RGS20: variants seen among roughly 807,000 people sequenced by gnomAD.
RGS20 encodes the protein regulator of G protein signaling 20.
Under a neutral mutation model 33.6 loss-of-function variants are expected in RGS20, and 30 were observed. The observed-to-expected ratio is 0.89, with a 90% CI of 0.67 to 1.21. The LOEUF is 1.21. Ranked by LOEUF, RGS20 falls within the 50% of genes most tolerant of loss-of-function variation. RGS20 has a pLI of 0.00. For missense variants in RGS20, 472 were observed against 502.4 expected, an observed-to-expected ratio of 0.94 and a Z score of 0.58; for synonymous variants, 208 against 197.9, an observed-to-expected ratio of 1.05 and a Z score of -0.43.
chr8:53,915,055 G>A (rs1457490108), intron 2 of RGS20, among the ~76,000 whole-genome samples: 1 of 151,990 alleles, frequency 6.6e-6, no homozygotes, highest in African/African-American at 2.4e-5. Flanking sequence ...TGAGGCAGGA[G>A]GATCACTTGA....
intron 2 of RGS20, among the ~76,000 whole-genome samples, chr8:53,886,035 G>C (rs1467589870): frequency 6.6e-6 from 1 of 152,188 alleles, no homozygotes; most frequent in Admixed American, 6.5e-5. Context: ...GAATATTTCA[G>C]ATTGGTTTTC....
At chr8:53,888,552 TCTC>T (rs907960146) in intron 2 of RGS20, among the ~76,000 whole-genome samples, 2 of 152,102 alleles carry the variant, frequency 1.3e-5, no homozygotes, top group African/African-American at 2.4e-5. Context: ...GTATCCCTGA[TCTC>T]CACCCACTGC....
chr8:53,892,162 T>G, intron 2 of RGS20, among the ~76,000 whole-genome samples: 1 of 152,218 alleles, frequency 6.6e-6, no homozygotes, highest in Non-Finnish European at 1.5e-5. Flanking sequence ...GTCCTTGTGA[T>G]AGTTTACTGA....
At chr8:53,912,791 T>C (rs1411087326) in intron 2 of RGS20, among the ~76,000 whole-genome samples, 2 of 152,322 alleles carry the variant, frequency 1.3e-5, no homozygotes, top group East Asian at 3.9e-4. Flanking sequence ...AACTATTAGG[T>C]TACCCTGAAG....
chr8:53,946,091 A>G (rs901255806), intron 3 of RGS20, among the ~76,000 whole-genome samples: 2 of 152,210 alleles, frequency 1.3e-5, no homozygotes, highest in Non-Finnish European at 2.9e-5. Flanking sequence ...ACTTTTGTAT[A>G]TTTGCCTATA....
intron 2 of RGS20, among the ~76,000 whole-genome samples, chr8:53,915,806 C>T (rs887209974): frequency 6.6e-5 from 10 of 152,072 alleles, no homozygotes; most frequent in African/African-American, 1.7e-4. Context: ...GCTATGTTGT[C>T]GAGGCTGGTC....
chr8:53,916,747 G>A (rs971041776), intron 2 of RGS20, among the ~76,000 whole-genome samples: 1 of 152,116 alleles, frequency 6.6e-6, no homozygotes, highest in African/African-American at 2.4e-5. Context: ...GAATTCCATA[G>A]GCCGGGTGGC....
chr8:53,867,347 T>C (rs1811943651), intron 1 of RGS20, among the ~76,000 whole-genome samples: 1 of 152,144 alleles, frequency 6.6e-6, no homozygotes, highest in Non-Finnish European at 1.5e-5. Context: ...TTCCACCAGC[T>C]CTTGGGATTT....
intron 2 of RGS20, among the ~76,000 whole-genome samples, chr8:53,932,911 GC>G (rs1470624926): frequency 6.6e-6 from 1 of 152,210 alleles, no homozygotes; most frequent in Admixed American, 6.5e-5. Context: ...CTGGGATGAA[GC>G]TTCCAGAGGA....
chr8:53,896,553 A>G (rs1482778365), intron 2 of RGS20, among the ~76,000 whole-genome samples: 1 of 152,228 alleles, frequency 6.6e-6, no homozygotes, highest in Non-Finnish European at 1.5e-5. Flanking sequence ...TTTGTAGGAA[A>G]CAATCTGTAT....
chr8:53,942,290 A>AAATT (rs2129290549), intron 3 of RGS20, among the ~76,000 whole-genome samples: 1 of 151,960 alleles, frequency 6.6e-6, no homozygotes, highest in East Asian at 1.9e-4. Flanking sequence ...ATAAATAAAT[A>AAATT]AAAAATAAAA....
chr8:53,911,540 G>GA (rs1457414398), intron 2 of RGS20, among the ~76,000 whole-genome samples: 40 of 134,904 alleles, frequency 3.0e-4, no homozygotes, highest in African/African-American at 1.1e-3. Flanking sequence ...ATACTTTTCT[G>GA]AAAAAATATA....
chr8:53,951,908 T>C (rs1468594476), intron 4 of RGS20, among the ~76,000 whole-genome samples: 5 of 151,516 alleles, frequency 3.3e-5, no homozygotes, highest in Non-Finnish European at 2.9e-5. Flanking sequence ...TCCCAGCTAG[T>C]CGGGAGGCTG....
intron 1 of RGS20, among the ~76,000 whole-genome samples, chr8:53,872,056 GTCCTC>G (rs562288573): frequency 9.1e-4 from 139 of 151,928 alleles, no homozygotes; most frequent in African/African-American, 3.0e-3. Flanking sequence ...TTCCTCCCTA[GTCCTC>G]TCCTTTCAGT....
At chr8:53,926,778 G>T (rs1450787128) in intron 2 of RGS20, among the ~76,000 whole-genome samples, 1 of 151,970 alleles carries the variant, frequency 6.6e-6, no homozygotes, top group Non-Finnish European at 1.5e-5. Context: ...CAGGTGTGGT[G>T]GTGGGCGCCT....
intron 2 of RGS20, among the ~76,000 whole-genome samples, chr8:53,883,336 G>C (rs1812450785): frequency 6.6e-6 from 1 of 151,724 alleles, no homozygotes; most frequent in South Asian, 2.1e-4. Context: ...CTAATTTTTT[G>C]TATTTTTAGT....
intron 2 of RGS20, among the ~76,000 whole-genome samples, chr8:53,910,140 C>G (rs2129283397): frequency 6.6e-6 from 1 of 152,154 alleles, no homozygotes; most frequent in East Asian, 1.9e-4. Context: ...TATTAAACAC[C>G]TTTACATAAA....
At chr8:53,888,933 A>ACTGTT (rs2129277022) in intron 2 of RGS20, among the ~76,000 whole-genome samples, 1 of 152,330 alleles carries the variant, frequency 6.6e-6, no homozygotes, top group Admixed American at 6.5e-5. Flanking sequence ...GTGTGAATAC[A>ACTGTT]CCACAGTGTA....
At chr8:53,924,282 C>T (rs764737183) in intron 2 of RGS20, among the ~76,000 whole-genome samples, 7 of 152,020 alleles carry the variant, frequency 4.6e-5, no homozygotes, top group East Asian at 1.9e-4. Flanking sequence ...CTCCGCCTCC[C>T]GGGTTCAAGA....
Sources: allele counts gnomAD v4.1 joint callset (sites outside exome capture counted in the v4.1 genomes callset), GRCh38; gene constraint gnomAD v4.1.1; transcripts MANE v1.5; gene names NCBI Gene and HGNC (gene_info 2026-07-23, HGNC 2026-07-21).